The following ADCY9 variants were observed in gnomAD, a reference collection of about 807,000 sequenced individuals.
ADCY9 encodes adenylate cyclase type 9.
Under a neutral mutation model 101.5 loss-of-function variants are expected in ADCY9, and 50 were observed. The observed-to-expected ratio is 0.49, with a 90% CI of 0.39 to 0.62. The LOEUF (loss-of-function observed/expected upper bound fraction) is 0.62. Ranked by LOEUF, ADCY9 falls within the 20% of genes least tolerant of loss-of-function variation. The pLI is 0.00. For missense variants in ADCY9, 1,662 were observed against 1,800.4 expected (o/e 0.92, Z 1.39); for synonymous variants, 905 against 769.3 (o/e 1.18, Z -2.92).
intron 9 of ADCY9, among the ~76,000 whole-genome samples, chr16:3,976,053 G>A (rs1181805605): frequency 1.3e-5 from 2 of 152,088 alleles, no homozygotes; most frequent in Admixed American, 6.5e-5. Context: ...GTGCAGTGGC[G>A]CGATCTCGGT....
chr16:3,998,998 T>C (rs1175501900), intron 3 of ADCY9, among the ~76,000 whole-genome samples: 2 of 152,120 alleles, frequency 1.3e-5, no homozygotes, highest in African/African-American at 2.4e-5. Flanking sequence ...AATTTTAATC[T>C]GGATTAAGAC....
chr16:3,954,829 C>T (rs929113147), intron 5 of ADCY9, among the ~76,000 whole-genome samples: 1 of 152,176 alleles, frequency 6.6e-6, no homozygotes, highest in African/African-American at 2.4e-5. Context: ...GTGACAGAGC[C>T]ATTGGTTGGG....
intron 2 of ADCY9, among the ~76,000 whole-genome samples, chr16:4,090,168 C>T (rs924558859): frequency 2.4e-4 from 37 of 152,082 alleles, no homozygotes; most frequent in Admixed American, 3.3e-4. Flanking sequence ...CTGAGGTCAG[C>T]CCTGGAGCAG....
intron 2 of ADCY9, among the ~76,000 whole-genome samples, chr16:4,078,583 AAAC>A (rs1281849911): frequency 2.7e-5 from 4 of 150,846 alleles, no homozygotes; most frequent in Admixed American, 6.6e-5. Context: ...AAGAAAACAA[AAAC>A]ATAAAAGTAT....
rs748855234 is a variant in ADCY9 at position 4,007,422 on chromosome 16, T to C, written c.1830A>G (p.Ser610=). ...GCGCCAAGTCACTGACATTCCCTGA[T>C]GACGCTGTCCCCTGTCCCCTAGGGC... is the stretch of plus-strand genomic sequence containing the variant. The part of the protein sequence containing the change: ...SSGPRGQGTA[S]SGNVSDLAQT... The change falls in exon 3 of 11, where the codon TCA becomes TCG. Residue 610 remains serine, a synonymous_variant. Coordinates refer to ENST00000294016, the MANE Select transcript of ADCY9 (RefSeq NM_001116.4). The C allele has an allele frequency of 1.4e-5, 22 of 1,609,956 alleles. No individual in the cohort carries two copies. The East Asian group carries it at 4.5e-4, about 33-fold the overall frequency.
downstream of ADCY9, among the ~76,000 whole-genome samples, chr16:3,961,390 C>T (rs1017815627): frequency 2.6e-5 from 4 of 151,490 alleles, no homozygotes; most frequent in African/African-American, 9.7e-5. Context: ...GTCAAGGCTG[C>T]AGTGAGCCCT....
chr16:3,966,917 G>T lies in ADCY9; in HGVS notation c.2920C>A (p.Pro974Thr). The change falls in exon 11 of 11, where the codon CCC (proline) becomes ACC (threonine). Residue 974 changes from proline to threonine, a missense_variant. Around this residue, in one of 5 missense-constraint regions of ADCY9, gnomAD observed 624 missense variants for 639.1 expected, o/e 0.98. Transcript: ENST00000294016. ...NSSVPRDLRR[P>T]ASLIGQEVVL... ...ACCTCCTGGCCGATGAGGCTGGCGGGCCGCCGGAGGTCACGCGGCACCGAA... is the reference window on the plus strand; with the variant it reads ...ACCTCCTGGCCGATGAGGCTGGCGGTCCGCCGGAGGTCACGCGGCACCGAA... 3 of 1,613,862 alleles carry T rather than the reference G, an allele frequency of 1.9e-6. No individual in the cohort carries two copies. The highest frequency in any genetic ancestry group is 2.5e-6 in the Non-Finnish European group (3 of 1,180,038).
At chr16:3,976,210 T>C (rs933119873) in intron 9 of ADCY9, among the ~76,000 whole-genome samples, 1 of 152,136 alleles carries the variant, frequency 6.6e-6, no homozygotes, top group African/African-American at 2.4e-5. Flanking sequence ...CCAGGCTGTC[T>C]TGAACTCCTG....
intron 2 of ADCY9, among the ~76,000 whole-genome samples, chr16:4,095,217 T>C (rs1291220696): frequency 7.2e-5 from 11 of 152,128 alleles, no homozygotes; most frequent in Non-Finnish European, 1.6e-4. Flanking sequence ...GCCAGGCTGA[T>C]CTCGAACTCC....
At chr16:3,962,595 G>A (rs893503296), downstream of ADCY9, 35 of 152,084 alleles carry the variant, frequency 2.3e-4, no homozygotes, top group Admixed American at 2.1e-3. Context: ...AAGGAAGACC[G>A]CCCTCCTCTC....
chr16:4,069,633 T>C (rs1019240475), intron 2 of ADCY9, among the ~76,000 whole-genome samples: 11 of 152,202 alleles, frequency 7.2e-5, no homozygotes, highest in African/African-American at 2.7e-4. Context: ...TTCTCAATTA[T>C]ATTCGTATCA....
chr16:4,027,623 T>A (rs373707324), intron 2 of ADCY9, among the ~76,000 whole-genome samples: 16 of 152,244 alleles, frequency 1.1e-4, no homozygotes, highest in Middle Eastern at 3.4e-3. Context: ...ACGCCTGTAA[T>A]CCCAGCACTG....
intron 3 of ADCY9, among the ~76,000 whole-genome samples, chr16:4,000,960 C>T (rs2056325184): frequency 7.7e-6 from 1 of 129,122 alleles, no homozygotes; most frequent in Non-Finnish European, 1.6e-5. Context: ...CATTTCCATC[C>T]CTCTCTCTAC....
intron 2 of ADCY9, among the ~76,000 whole-genome samples, chr16:4,080,331 T>C (rs2056893703): frequency 6.6e-6 from 1 of 152,138 alleles, no homozygotes; most frequent in African/African-American, 2.4e-5. Context: ...GCAACCTCCA[T>C]CTCCCAGGCT....
At chr16:4,013,312 T>C (rs982842554) in intron 2 of ADCY9, among the ~76,000 whole-genome samples, 2 of 151,050 alleles carry the variant, frequency 1.3e-5, no homozygotes, top group Non-Finnish European at 2.9e-5. Flanking sequence ...TCCCAGCTAC[T>C]TGGGAGGCTG....
In ADCY9 at chr16:3,965,923, T is replaced by C. The variant is rs1258134193; in HGVS notation, c.3914A>G (p.His1305Arg). 1 of 1,614,170 alleles carries C rather than the reference T, an allele frequency of 6.2e-7. No individual in the cohort carries two copies. Among genetic ancestry groups the C allele is most frequent in the Non-Finnish European group, 8.5e-7 (1 of 1,180,034 alleles). The change falls in exon 11 of 11, where the codon CAC (histidine) becomes CGC (arginine). Residue 1305 changes from histidine to arginine, a missense_variant. This residue lies in a region of ADCY9 where 168 missense variants were observed against 155.3 expected (regional missense o/e 1.08). Coordinates refer to ENST00000294016, the MANE Select transcript of ADCY9 (RefSeq NM_001116.4). The stretch of plus-strand genomic sequence containing the variant: ...CTTCCACGGTCTCTTGGGGGACAGG[T>C]GGGCATCCTTGGCCTGCGTGCTGCT... ...SDSSTQAKDA[H>R]LSPKRPWKEP...
intron 8 of ADCY9, among the ~76,000 whole-genome samples, chr16:3,978,554 G>A (rs1412562434): frequency 1.3e-5 from 2 of 152,176 alleles, no homozygotes; most frequent in African/African-American, 2.4e-5. Flanking sequence ...GGAACTTGAT[G>A]AAGAAGAAGC....
At chr16:3,967,965 A>T (rs908394588) in intron 10 of ADCY9, among the ~76,000 whole-genome samples, 1 of 152,112 alleles carries the variant, frequency 6.6e-6, no homozygotes, top group African/African-American at 2.4e-5. Flanking sequence ...TGCTGGGATT[A>T]CAGGTGTGAG....
chr16:4,079,505 G>T (rs1015196063), intron 2 of ADCY9, among the ~76,000 whole-genome samples: 4 of 152,150 alleles, frequency 2.6e-5, no homozygotes, highest in African/African-American at 7.2e-5. Flanking sequence ...GGAGGCAGAG[G>T]TTGCAGTGAG....
Sources: allele counts gnomAD v4.1 joint callset (sites outside exome capture counted in the v4.1 genomes callset), GRCh38; gene constraint gnomAD v4.1.1; regional missense constraint gnomAD v4.1.1; transcripts MANE v1.5; gene names NCBI Gene and HGNC (gene_info 2026-07-23, HGNC 2026-07-21).